The following AKAP6 variants were observed in gnomAD, a reference collection of about 807,000 sequenced individuals.
AKAP6 encodes the protein A-kinase anchoring protein 6.
AKAP6 carries 58 observed loss-of-function variants against 188.5 expected under a neutral mutation model. The observed-to-expected ratio is 0.31, with a 90% confidence interval of 0.25 to 0.38. The LOEUF (loss-of-function observed/expected upper bound fraction) is 0.38, where lower values mean the gene tolerates loss of function less well. AKAP6 is among the 10% of genes least tolerant of loss of function. The probability of loss-of-function intolerance (pLI) is 1.00; values close to 1 mark genes in which losing one functional copy is unlikely to be tolerated. For synonymous variants in AKAP6, 989 were observed against 998.6 expected, an observed-to-expected ratio of 0.99 and a Z score of 0.18; for missense variants, 2,710 against 2,740.0, an observed-to-expected ratio of 0.99 and a Z score of 0.24.
At chr14:32,761,764 C>A (rs2032547942) in intron 11 of AKAP6, among the ~76,000 whole-genome samples, 1 of 152,052 alleles carries the variant, frequency 6.6e-6, no homozygotes, top group African/African-American at 2.4e-5. Context: ...GTGTATGGCA[C>A]CGTACCCTCT....
chr14:32,519,932 C>T (rs959858383), intron 2 of AKAP6, among the ~76,000 whole-genome samples: 6 of 152,138 alleles, frequency 3.9e-5, no homozygotes, highest in Non-Finnish European at 8.8e-5. Context: ...CCAAAATTGA[C>T]CACATAGTTG....
At chr14:32,657,971 G>T (rs904283059) in intron 7 of AKAP6, among the ~76,000 whole-genome samples, 13 of 152,092 alleles carry the variant, frequency 8.5e-5, no homozygotes, top group African/African-American at 2.9e-4. Flanking sequence ...CGCACACATG[G>T]TAGATTGACA....
intron 13 of AKAP6, among the ~76,000 whole-genome samples, chr14:32,828,626 G>A (rs2034744929): frequency 1.3e-5 from 2 of 151,776 alleles, no homozygotes. Flanking sequence ...TTCCAAGTGG[G>A]CCAAGTTGAA....
At chr14:32,800,678 C>T (rs577847134) in intron 12 of AKAP6, among the ~76,000 whole-genome samples, 1 of 142,262 alleles carries the variant, frequency 7.0e-6, no homozygotes, top group Admixed American at 7.1e-5. Context: ...CTATCTTTTT[C>T]TTCATCTCCT....
chr14:32,658,843 C>G (rs1397220085), intron 7 of AKAP6, among the ~76,000 whole-genome samples: 2 of 151,018 alleles, frequency 1.3e-5, no homozygotes, highest in Non-Finnish European at 2.9e-5. Context: ...TCTGTTTACT[C>G]ACCAAGACCC....
intron 2 of AKAP6, among the ~76,000 whole-genome samples, chr14:32,517,702 C>T (rs896508570): frequency 1.3e-5 from 2 of 152,206 alleles, no homozygotes; most frequent in Non-Finnish European, 2.9e-5. Flanking sequence ...CCTGGAAGCT[C>T]GAACTGGGTG....
intron 8 of AKAP6, among the ~76,000 whole-genome samples, chr14:32,684,741 A>G (rs1889832358): frequency 9.5e-6 from 1 of 105,426 alleles, no homozygotes. Context: ...AGTGTACTTC[A>G]TGTTTTTTTT....
At chr14:32,625,207 T>C (rs868408880) in intron 7 of AKAP6, among the ~76,000 whole-genome samples, 2 of 152,056 alleles carry the variant, frequency 1.3e-5, no homozygotes, top group Non-Finnish European at 1.5e-5. Flanking sequence ...AGATTCAGAG[T>C]GGATTGGGCT....
intron 11 of AKAP6, among the ~76,000 whole-genome samples, chr14:32,771,726 G>A (rs1047319429): frequency 6.6e-6 from 1 of 152,134 alleles, no homozygotes; most frequent in African/African-American, 2.4e-5. Context: ...GGGACTTTTT[G>A]TTGGCTTAAG....
At chr14:32,816,422 C>T (rs913309925) in intron 12 of AKAP6, among the ~76,000 whole-genome samples, 6 of 152,266 alleles carry the variant, frequency 3.9e-5, no homozygotes, top group African/African-American at 1.4e-4. Flanking sequence ...TCTCAAACTC[C>T]TGGGTTCAAG....
At chr14:32,452,136 C>T (rs1339258322) in intron 2 of AKAP6, among the ~76,000 whole-genome samples, 1 of 150,784 alleles carries the variant, frequency 6.6e-6, no homozygotes, top group Admixed American at 6.7e-5. Flanking sequence ...ATCCTCCCAC[C>T]TCAGCTTCCT....
intron 1 of AKAP6, among the ~76,000 whole-genome samples, chr14:32,411,693 C>T (rs999624883): frequency 1.3e-5 from 2 of 152,032 alleles, no homozygotes; most frequent in Non-Finnish European, 2.9e-5. Flanking sequence ...TCCCCACTGC[C>T]AGTTTAGGAT....
At chr14:32,773,068 C>CCAACAAATA (rs752061393) in intron 11 of AKAP6, among the ~76,000 whole-genome samples, 13 of 152,126 alleles carry the variant, frequency 8.5e-5, no homozygotes, top group South Asian at 2.1e-4. Context: ...AACACAGCAA[C>CCAACAAATA]CAACAAATAG....
chr14:32,702,768 C>G (rs937918104), intron 9 of AKAP6, among the ~76,000 whole-genome samples: 2 of 152,128 alleles, frequency 1.3e-5, no homozygotes, highest in South Asian at 2.1e-4. Context: ...GTGGATCAAA[C>G]GAGCCGTGGG....
intron 1 of AKAP6, among the ~76,000 whole-genome samples, chr14:32,361,883 T>C (rs1244342840): frequency 2.0e-5 from 3 of 152,156 alleles, no homozygotes; most frequent in Non-Finnish European, 4.4e-5. Flanking sequence ...TGTTGAATTG[T>C]ATGCCGGTTG....
intron 12 of AKAP6, among the ~76,000 whole-genome samples, chr14:32,807,624 A>G (rs1426064989): frequency 6.6e-6 from 1 of 152,240 alleles, no homozygotes; most frequent in South Asian, 2.1e-4. Context: ...TGCCTTTTTA[A>G]TAATGGTTTC....
intron 7 of AKAP6, among the ~76,000 whole-genome samples, chr14:32,667,705 A>G (rs1889006724): frequency 6.6e-6 from 1 of 152,140 alleles, no homozygotes; most frequent in Non-Finnish European, 1.5e-5. Context: ...CCTGATTATT[A>G]GAACCCTAGG....
intron 2 of AKAP6, among the ~76,000 whole-genome samples, chr14:32,454,680 C>CCTCT (rs150476048): frequency 2.3e-5 from 1 of 43,330 alleles, no homozygotes; most frequent in Non-Finnish European, 3.8e-5. Context: ...TCCCTCCTTC[C>CCTCT]CTCCTTCCCT....
chr14:32,495,042 G>A (rs1054599719), intron 2 of AKAP6: 19 of 152,084 alleles, frequency 1.2e-4, no homozygotes, highest in African/African-American at 4.6e-4. Flanking sequence ...TTAATTGTGG[G>A]GGCACATGTG....
Sources: allele counts gnomAD v4.1 joint callset (sites outside exome capture counted in the v4.1 genomes callset), GRCh38; gene constraint gnomAD v4.1.1; transcripts MANE v1.5; gene names NCBI Gene and HGNC (gene_info 2026-07-23, HGNC 2026-07-21).